The following CCT2 variants were observed in gnomAD, a reference collection of about 807,000 sequenced individuals.
The protein encoded by CCT2 is chaperonin containing TCP1 subunit 2.
CCT2 carries 18 observed loss-of-function variants against 61.8 expected under a neutral mutation model. The ratio of observed to expected loss-of-function variants is 0.29; its 90% CI spans 0.20 to 0.43. The LOEUF is 0.43. Ranked by LOEUF, CCT2 falls within the 20% of genes least tolerant of loss-of-function variation. CCT2 has a pLI of 1.00. For synonymous variants in CCT2, 248 were observed against 215.9 expected (o/e 1.15, Z -1.30); for missense variants, 556 against 656.9 (o/e 0.85, Z 1.68).
chr12:69,588,027 C>T, intron 5 of CCT2, 21 bp downstream of exon 5: 1 of 1,602,380 alleles, frequency 6.2e-7, no homozygotes, highest in African/African-American at 1.3e-5. Context: ...CTAAGCAACT[C>T]TTTTTTCCTA....
Position 69,593,106 on chromosome 12 carries a change from C to A in CCT2, c.878+3C>A. ...GGAATAAATTGCTTTATTAACAGGT[C>A]TGTGTTTGCTTTTAAGAAAGGATTT... On this transcript the variant is annotated splice_donor_region_variant and intron_variant, in intron 9 of 15. Coordinates refer to ENST00000299300, the MANE Select transcript of CCT2 (RefSeq NM_006431.3). 1 of 1,605,744 alleles carries A rather than the reference C, an allele frequency of 6.2e-7. No homozygotes were observed. The highest frequency in any genetic ancestry group is 1.1e-5 in the South Asian group (1 of 89,422).
rs1881864693 is a variant in CCT2, at chr12:69,592,517, T to G, written c.750+358T>G. On this transcript the variant is annotated intron_variant, in intron 8 of 15. Transcript: ENST00000299300. ...CAAAAAAAAAAAAATTGCTGGATTC[T>G]ATAAACTCAGGAATCAATTGCACTA... 1.7e-5 allele frequency: 3 copies of G among 180,112 alleles called. No homozygotes were observed. In the Admixed American group the frequency reaches 1.7e-4, roughly 10 times the overall value. The allele number at this position is 180,112 out of a possible 1,614,324, so 11.2% of individuals were successfully genotyped here.
At chr12:69,592,684 G>A (rs984901700) in intron 8 of CCT2, 1 of 268,394 alleles carries the variant, frequency 3.7e-6, no homozygotes, top group African/African-American at 2.2e-5. Flanking sequence ...CCAGTACTTT[G>A]GGAGGCCAGG....
chr12:69,595,513 C>T (rs1179867012), intron 10 of CCT2, among the ~76,000 whole-genome samples: 1 of 151,964 alleles, frequency 6.6e-6, no homozygotes, highest in Non-Finnish European at 1.5e-5. Context: ...TATGGTGAAA[C>T]CCTGTCTCTA....
rs200734351 is a variant in CCT2, at chr12:69,599,855, C to G, written c.1436-8C>G. ...ACTGCTTTTTAGTAAATTTGTTTTT[C>G]TTTGCAGATATGAGGGAAGGCACCA... On this transcript the variant is annotated splice_region_variant and splice_polypyrimidine_tract_variant and intron_variant, in intron 14 of 15. Coordinates refer to ENST00000299300, the MANE Select transcript of CCT2 (RefSeq NM_006431.3). 6.3e-7 allele frequency: 1 copy of G among 1,592,152 alleles called. No homozygotes were observed. Among genetic ancestry groups the G allele is most frequent in the Non-Finnish European group, 8.5e-7 (1 of 1,171,494 alleles).
chr12:69,589,710 A>G (rs1881776765), intron 7 of CCT2, 23 bp downstream of exon 7: 1 of 1,578,134 alleles, frequency 6.3e-7, no homozygotes. Flanking sequence ...GTCAGATACA[A>G]GAAGCTTTGA....
chr12:69,597,095 A>G (rs1882014182), intron 10 of CCT2, 61 bp from the exon 11 acceptor site: 1 of 1,539,702 alleles, frequency 6.5e-7, no homozygotes, highest in East Asian at 2.3e-5. Context: ...ATTACTGCTT[A>G]TTAGAAAACA....
chr12:69,597,361 G>A, intron 11 of CCT2, 86 bp downstream of exon 11: 2 of 1,464,332 alleles, frequency 1.4e-6, no homozygotes, highest in South Asian at 1.2e-5. Context: ...TACTAGAATA[G>A]CATATCTTAC....
intron 1 of CCT2, 145 bp from the exon 2 acceptor site, chr12:69,586,125 A>G: frequency 8.9e-7 from 1 of 1,127,178 alleles, no homozygotes; most frequent in Non-Finnish European, 1.3e-6. Context: ...GCTTTCTCCG[A>G]TGATGGAAGC....
At chr12:69,585,872 C>T in intron 1 of CCT2, 1 of 1,298,068 alleles carries the variant, frequency 7.7e-7, no homozygotes, top group South Asian at 1.8e-5. Flanking sequence ...TCTGAGCCAT[C>T]AGAGGGTGGA....
chr12:69,588,067 G>A (rs968776845), intron 5 of CCT2, 61 bp downstream of exon 5: 20 of 1,539,666 alleles, frequency 1.3e-5, no homozygotes, highest in Non-Finnish European at 1.7e-5. Context: ...AGGTAATCTA[G>A]TCCTTACTTC....
intron 8 of CCT2, 51 bp from the exon 9 acceptor site, chr12:69,592,925 C>T (rs1352187360): frequency 1.3e-6 from 2 of 1,582,958 alleles, no homozygotes; most frequent in African/African-American, 1.4e-5. Context: ...GAGACTCAAT[C>T]TCAAAAAAAA....
At position 69,597,576 on chromosome 12, in the gene CCT2, G is replaced by A. The variant is rs529683579; in HGVS notation, c.1103-62G>A. 1.0e-4 allele frequency: 159 copies of A among 1,546,830 alleles called. 1 individual carries two copies. The highest frequency in any genetic ancestry group is 9.8e-4 in the South Asian group (84 of 85,714). On this transcript the variant is annotated intron_variant, in intron 11 of 15. Transcript: ENST00000299300. Reference sequence around the variant, plus strand: ...AGAACCCAGTAATATAACCAACACCGGCATAAATAATAGAAGGCAAACTTT... The same window carrying A: ...AGAACCCAGTAATATAACCAACACCAGCATAAATAATAGAAGGCAAACTTT...
chr12:69,587,311 T>C (rs1881695327), intron 3 of CCT2, among the ~76,000 whole-genome samples, 194 bp from the exon 4 acceptor site: 1 of 152,242 alleles, frequency 6.6e-6, no homozygotes, highest in South Asian at 2.1e-4. Flanking sequence ...TGTCTACCTG[T>C]GCTTCTAGTG....
At chr12:69,587,133 C>CT (rs1222700639) in intron 3 of CCT2, 8 of 322,890 alleles carry the variant, frequency 2.5e-5, no homozygotes, top group Non-Finnish European at 4.4e-5. Context: ...TTTATCAATA[C>CT]TTTTTTGTAG....
intron 7 of CCT2, among the ~76,000 whole-genome samples, chr12:69,591,493 T>G (rs1881833654): frequency 6.7e-6 from 1 of 150,296 alleles, no homozygotes; most frequent in Non-Finnish European, 1.5e-5. Flanking sequence ...TACCTGAATC[T>G]TCAATTTTTC....
chr12:69,587,631 A>G lies in CCT2; in HGVS notation c.256+15A>G, dbSNP rs1488012778. On this transcript the variant is annotated intron_variant, in intron 4 of 15. Transcript: ENST00000299300. ...AGTTTTAGTTGGTAAGTCTGAATAT[A>G]CTTTTTCACCAACCTAATAATACTG... 4 of 1,437,576 alleles carry G rather than the reference A, an allele frequency of 2.8e-6. No individual in the cohort carries two copies. The highest frequency in any genetic ancestry group is 3.9e-6 in the Non-Finnish European group (4 of 1,019,964). The allele number at this position is 1,437,576 out of a possible 1,614,324, so 89.1% of individuals were successfully genotyped here. A position where few individuals can be genotyped will look rare whatever the true frequency, so the allele number is the denominator to read the frequency against.
rs553032181 is a variant in CCT2, at chr12:69,598,259, TAGG to T, written c.1336-60_1336-58del. 79 of 1,226,604 alleles carry T rather than the reference TAGG, an allele frequency of 6.4e-5. No individual in the cohort carries two copies. The African/African-American group carries it at 8.8e-4, about 14-fold the overall frequency. The allele number at this position is 1,226,604 out of a possible 1,614,324, so 76.0% of individuals were successfully genotyped here. A position where few individuals can be genotyped will look rare whatever the true frequency, so the allele number is the denominator to read the frequency against. On this transcript the variant is annotated intron_variant, in intron 13 of 15. Transcript: ENST00000299300. The stretch of plus-strand genomic sequence containing the variant: ...TATAATTTTAAAAAGCTATCCTAGT[TAGG>T]AGTAAATCAGTGGTTCTTACAGTAG...
At chr12:69,593,379 G>T in intron 9 of CCT2, 131 bp from the exon 10 acceptor site, 2 of 650,806 alleles carry the variant, frequency 3.1e-6, no homozygotes, top group East Asian at 2.8e-5. Flanking sequence ...AATTATATAG[G>T]TAAGAAATGC....
Sources: allele counts gnomAD v4.1 joint callset (sites outside exome capture counted in the v4.1 genomes callset), GRCh38; gene constraint gnomAD v4.1.1; transcripts MANE v1.5; gene names NCBI Gene and HGNC (gene_info 2026-07-23, HGNC 2026-07-21).